GFRA1: variants seen among roughly 807,000 people sequenced by gnomAD.
The protein encoded by GFRA1 is GDNF family receptor alpha 1.
In GFRA1, 16 loss-of-function variants were observed where a neutral mutation model predicts 51.6. That is an observed-to-expected ratio of 0.31 (90% CI 0.21 to 0.47). The LOEUF is 0.47. Among genes scored for constraint, GFRA1 ranks in the 20% least tolerant of loss-of-function variants. The probability of loss-of-function intolerance (pLI) is 1.00; values close to 1 mark genes in which losing one functional copy is unlikely to be tolerated. For missense variants in GFRA1, 530 were observed against 594.3 expected, an observed-to-expected ratio of 0.89 and a Z score of 1.13; for synonymous variants, 270 against 241.3, an observed-to-expected ratio of 1.12 and a Z score of -1.10.
intron 6 of GFRA1, among the ~76,000 whole-genome samples, chr10:116,106,724 AT>A (rs965811300): frequency 6.6e-6 from 1 of 151,292 alleles, no homozygotes; most frequent in African/African-American, 2.4e-5. Flanking sequence ...CCTGTCTTCC[AT>A]CTTTCACCAC....
intron 9 of GFRA1, among the ~76,000 whole-genome samples, chr10:116,074,166 T>C (rs1326404471): frequency 6.6e-6 from 1 of 152,098 alleles, no homozygotes; most frequent in Non-Finnish European, 1.5e-5. Flanking sequence ...CCCTTTCGTA[T>C]GGGTCAGAAA....
chr10:116,095,146 G>A (rs910428051), intron 7 of GFRA1, among the ~76,000 whole-genome samples: 98 of 152,320 alleles, frequency 6.4e-4, no homozygotes, highest in African/African-American at 2.3e-3. Context: ...TCATAAAGAG[G>A]TTAAGGAGCA....
At chr10:116,191,574 GA>G (rs1331255112) in intron 5 of GFRA1, among the ~76,000 whole-genome samples, 8 of 150,458 alleles carry the variant, frequency 5.3e-5, no homozygotes, top group South Asian at 4.2e-4. Flanking sequence ...ATTGCCAGGG[GA>G]AAAAAAAAGC....
At chr10:116,100,363 CT>C (rs1172334720) in intron 6 of GFRA1, among the ~76,000 whole-genome samples, 1 of 152,210 alleles carries the variant, frequency 6.6e-6, no homozygotes, top group Non-Finnish European at 1.5e-5. Context: ...CTTTAAGCAA[CT>C]CCTTCTAGGT....
chr10:116,258,676 G>A (rs1589918902), intron 4 of GFRA1, among the ~76,000 whole-genome samples: 1 of 152,002 alleles, frequency 6.6e-6, no homozygotes, highest in South Asian at 2.1e-4. Flanking sequence ...CTTCCTGGAT[G>A]AGAATGCTGG....
At chr10:116,197,120 A>G (rs1258345674) in intron 5 of GFRA1, among the ~76,000 whole-genome samples, 1 of 151,928 alleles carries the variant, frequency 6.6e-6, no homozygotes, top group Non-Finnish European at 1.5e-5. Context: ...TAGGGTCTGA[A>G]TGTTGGTGTC....
intron 5 of GFRA1, among the ~76,000 whole-genome samples, chr10:116,210,671 C>G (rs1421274777): frequency 5.3e-5 from 8 of 152,342 alleles, no homozygotes; most frequent in Middle Eastern, 3.4e-3. Flanking sequence ...TTCTCCATAA[C>G]ACACGCTGCC....
At chr10:116,138,631 A>T in intron 5 of GFRA1, among the ~76,000 whole-genome samples, 1 of 149,126 alleles carries the variant, frequency 6.7e-6, no homozygotes, top group African/African-American at 2.5e-5. Flanking sequence ...GCAAGATGGT[A>T]GGAACCCCCC....
At chr10:116,090,323 T>C (rs149228671) in intron 8 of GFRA1, among the ~76,000 whole-genome samples, 2 of 151,298 alleles carry the variant, frequency 1.3e-5, no homozygotes, top group African/African-American at 2.4e-5. Context: ...CAATATTCTA[T>C]ATTAAAAGGA....
chr10:116,129,888 AAG>A (rs1032728247), intron 5 of GFRA1, among the ~76,000 whole-genome samples: 2 of 151,928 alleles, frequency 1.3e-5, no homozygotes, highest in South Asian at 2.1e-4. Context: ...CTTCATTTTT[AAG>A]AGTTTTATTT....
rs1241069912 is a variant in GFRA1, at chr10:116,089,938, AG to A, written c.1016-17del. On this transcript the variant is annotated splice_polypyrimidine_tract_variant and intron_variant, in intron 8 of 10. Coordinates refer to ENST00000355422, the MANE Select transcript of GFRA1 (RefSeq NM_005264.8). ...ATTGCATTTTCTGCAGTAAAACAGG[AG>A]GAAATCCAATTTCAAAGTCAAGCAG... The A allele has an allele frequency of 6.2e-7, 1 of 1,604,104 alleles. No homozygotes were observed.
chr10:116,064,625 G>A (rs1402286151), intron 10 of GFRA1, 81 bp from the exon 11 acceptor site: 64 of 1,306,448 alleles, frequency 4.9e-5, no homozygotes, highest in East Asian at 1.6e-4. Context: ...CTCTCCCCCC[G>A]ACTCCCCACT....
At chr10:116,265,754 T>C (rs1263740865) in intron 4 of GFRA1, among the ~76,000 whole-genome samples, 1 of 152,130 alleles carries the variant, frequency 6.6e-6, no homozygotes, top group Non-Finnish European at 1.5e-5. Context: ...CCTAGGACAC[T>C]TCTGTGTTCC....
At position 116,211,635 on chromosome 10, in the gene GFRA1, C is replaced by T. The variant is rs181595401; in HGVS notation, c.429G>A (p.Gln143=). ...RVVPFISDVF[Q]QVEHIPKGNN... ...GGCAGGAAACAGTGAACTTACCTTG[C>T]TGAAAAACATCTGCCAAGAAAGAAG... The change falls in exon 5 of 11, where the codon CAG becomes CAA. Residue 143 remains glutamine, a synonymous_variant. Coordinates refer to ENST00000355422, the MANE Select transcript of GFRA1 (RefSeq NM_005264.8). 18 of 1,550,758 alleles carry T rather than the reference C, an allele frequency of 1.2e-5. No individual in the cohort carries two copies. The highest frequency in any genetic ancestry group is 4.9e-5 in the East Asian group (2 of 40,898).
intron 5 of GFRA1, among the ~76,000 whole-genome samples, chr10:116,209,493 A>G (rs1284690144): frequency 1.3e-5 from 2 of 152,084 alleles, no homozygotes; most frequent in Admixed American, 1.3e-4. Context: ...CAAAGCAAGC[A>G]GGGCCTGGAT....
chr10:116,125,139 G>A lies in GFRA1; in HGVS notation c.770+82C>T, dbSNP rs542722825. The A allele has an allele frequency of 1.0e-5, 13 of 1,240,646 alleles. No homozygotes were observed. The East Asian group carries it at 1.2e-4, about 11-fold the overall frequency. The allele number at this position is 1,240,646 out of a possible 1,614,324, so 76.9% of individuals were successfully genotyped here. ...CCTCCTCTACCTTGGTAGAAGCACA[G>A]AAAAGGGAGCTTGGCAGCCGAAGCA... On this transcript the variant is annotated intron_variant, in intron 6 of 10. Coordinates refer to ENST00000355422, the MANE Select transcript of GFRA1 (RefSeq NM_005264.8).
At chr10:116,128,379 A>T (rs1311501986) in intron 5 of GFRA1, among the ~76,000 whole-genome samples, 1 of 152,174 alleles carries the variant, frequency 6.6e-6, no homozygotes, top group Non-Finnish European at 1.5e-5. Flanking sequence ...CATCTAGGAA[A>T]TTTATTTTTC....
intron 6 of GFRA1, among the ~76,000 whole-genome samples, chr10:116,097,177 C>T (rs905231689): frequency 6.6e-6 from 1 of 152,186 alleles, no homozygotes; most frequent in Non-Finnish European, 1.5e-5. Context: ...TATACAGAAA[C>T]GTGTCCCTGG....
intron 5 of GFRA1, among the ~76,000 whole-genome samples, chr10:116,179,536 G>A (rs11197570): frequency 0.55 from 84,295 of 151,970 alleles, 23,569 homozygotes; most frequent in Middle Eastern, 0.67. Context: ...GGGTGTTCTC[G>A]TTCCAGAATC....
Sources: allele counts gnomAD v4.1 joint callset (sites outside exome capture counted in the v4.1 genomes callset), GRCh38; gene constraint gnomAD v4.1.1; transcripts MANE v1.5; gene names NCBI Gene and HGNC (gene_info 2026-07-23, HGNC 2026-07-21).